Variants in L1TD1 observed in about 807,000 individuals in gnomAD.
L1TD1 encodes the protein LINE1 type transposase domain containing 1, also known as LINE-1 type transposase domain-containing protein 1.
A neutral mutation model predicts 25.7 loss-of-function variants in L1TD1; 26 were observed. That is an observed-to-expected ratio of 1.01 (90% CI 0.74 to 1.40). The LOEUF (loss-of-function observed/expected upper bound fraction) is 1.40. Ranked by LOEUF, L1TD1 falls within the 40% of genes most tolerant of loss-of-function variation. The probability of loss-of-function intolerance (pLI) is 0.00; values close to 1 mark genes in which losing one functional copy is unlikely to be tolerated. For synonymous variants in L1TD1, 421 were observed against 335.6 expected, an observed-to-expected ratio of 1.25 and a Z score of -2.78; for missense variants, 1,130 against 975.0, an observed-to-expected ratio of 1.16 and a Z score of -2.12.
At chr1:62,198,184 CT>C (rs916524256) in intron 2 of L1TD1, among the ~76,000 whole-genome samples, 2 of 152,132 alleles carry the variant, frequency 1.3e-5, no homozygotes, top group Non-Finnish European at 2.9e-5. Context: ...AAACCAGGCA[CT>C]TTATCTTGGT....
chr1:62,206,701 A>G lies in L1TD1; in HGVS notation c.73A>G (p.Met25Val), dbSNP rs1670751810. 2 of 1,550,436 alleles carry G rather than the reference A, an allele frequency of 1.3e-6. No homozygotes were observed. Among genetic ancestry groups the G allele is most frequent in the East Asian group, 2.4e-5 (1 of 40,836 alleles). ...AAAGAAAAAGGAAAATATCACCTAT[A>G]TGAAAAGAGAGCAGTTAACAGAAAC... ...LAKKKENITY[M>V]KREQLTETDK... is the part of the protein sequence containing the mutation. Residue 25 changes from methionine to valine, a missense_variant, in exon 3 of 4, where the codon ATG becomes GTG. Met to Val is a conservative substitution (Grantham distance 21). Coordinates refer to ENST00000498273, the MANE Select transcript of L1TD1 (RefSeq NM_019079.5).
Position 62,211,525 on chromosome 1 carries a change from G to T in L1TD1, c.*153G>T. On this transcript the variant is annotated 3_prime_UTR_variant, in exon 4 of 4. Transcript: ENST00000498273. ...CAAGGAATATTACAGATATTACCTA[G>T]ATGTTAATAAAGGGTATGTTTAAAA... 2 of 1,288,778 alleles carry T rather than the reference G, an allele frequency of 1.6e-6. No individual in the cohort carries two copies. Among genetic ancestry groups the T allele is most frequent in the South Asian group, 1.8e-5 (1 of 54,878 alleles). 79.8% of individuals were successfully genotyped at this position (1,288,778 alleles called of 1,614,324 possible).
rs2149102733 is a variant in L1TD1 at position 62,210,488 on chromosome 1, C to A, written c.1714C>A (p.His572Asn). The change falls in exon 4 of 4, where the codon CAT becomes AAT. Residue 572 changes from histidine (H) to asparagine (N), a missense_variant. Coordinates refer to ENST00000498273, the MANE Select transcript of L1TD1 (RefSeq NM_019079.5). ...GATGAGTCATGATGAGCATAAAAAG[C>A]ATTCACATACAAATTTGAGTATTTC... ...LEMSHDEHKK[H>N]SHTNLSISTG... 1 of 1,614,010 alleles carries A rather than the reference C, an allele frequency of 6.2e-7. No individual in the cohort carries two copies. The highest frequency in any genetic ancestry group is 2.2e-5 in the East Asian group (1 of 44,888).
Position 62,210,968 on chromosome 1 carries a change from C to A in L1TD1, c.2194C>A (p.Leu732Ile). 4 of 1,545,464 alleles carry A rather than the reference C, an allele frequency of 2.6e-6. No individual in the cohort carries two copies. Among genetic ancestry groups the A allele is most frequent in the Non-Finnish European group, 3.5e-6 (4 of 1,145,602 alleles). The change falls in exon 4 of 4, where the codon CTA becomes ATA. Residue 732 changes from leucine to isoleucine, a missense_variant. Physicochemically the swap from Leu to Ile is conservative, Grantham distance 5. Transcript: ENST00000498273. ...KEIIDENFAE[L>I]KKGSSLEIVS... ...AATAATTGATGAAAACTTTGCAGAA[C>A]TAAAGAAAGGTTCAAGTCTTGAGAT...
chr1:62,196,391 A>C (rs995883832), intron 1 of L1TD1, 44 bp from the exon 2 acceptor site: 1 of 152,212 alleles, frequency 6.6e-6, no homozygotes, highest in South Asian at 2.1e-4. Context: ...TCTACATTAA[A>C]TAAACCTTAA....
chr1:62,207,573 T>G lies in L1TD1; in HGVS notation c.945T>G (p.Asp315Glu), dbSNP rs1262526741. ...CTTCTGTGAAAGAATTACTGAAAGA[T>G]GTACTCCCACAAAAGGAAGAAATAA... ...QKSSVKELLK[D>E]VLPQKEEINQ... is the part of the protein sequence containing the mutation. The change falls in exon 3 of 4, where the codon GAT (aspartate) becomes GAG (glutamate). Residue 315 changes from aspartate to glutamate, a missense_variant. By Grantham distance (45) the Asp-to-Glu change is conservative. Transcript: ENST00000498273. 6.5e-7 allele frequency: 1 copy of G among 1,548,872 alleles called. No individual in the cohort carries two copies. Among genetic ancestry groups the G allele is most frequent in the Non-Finnish European group, 8.7e-7 (1 of 1,146,334 alleles).
Position 62,207,320 on chromosome 1 carries a change from G to C in L1TD1, c.692G>C (p.Arg231Thr). ...AAAGAGGAGGTTTTAAAAGCCTCCA[G>C]AGAAGAAAAAGTGTTGATGGATGAA... ...KNKEEVLKASREEKVLMDEGA... is the reference protein window; with the variant it reads ...KNKEEVLKASTEEKVLMDEGA... The change falls in exon 3 of 4, where the codon AGA becomes ACA. Residue 231 changes from arginine to threonine, a missense_variant. Physicochemically the swap from Arg to Thr is moderately conservative, Grantham distance 71 (BLOSUM62 -1). Transcript: ENST00000498273. 1 of 1,551,074 alleles carries C rather than the reference G, an allele frequency of 6.4e-7. No homozygotes were observed.
rs773379185 is a variant in L1TD1 at position 62,206,898 on chromosome 1, A to G, written c.270A>G (p.Val90=). 6.2e-7 allele frequency: 1 copy of G among 1,613,880 alleles called. No homozygotes were observed. The highest frequency in any genetic ancestry group is 1.7e-5 in the Admixed American group (1 of 59,976). The change falls in exon 3 of 4, where the codon GTA becomes GTG. Residue 90 remains valine, a synonymous_variant. Coordinates refer to ENST00000498273, the MANE Select transcript of L1TD1 (RefSeq NM_019079.5). ...VLGGKATIPE[V]KNSENSSSRT... ...GGGGAAAAGCTACAATACCTGAGGT[A>G]AAGAATTCAGAGAACTCCAGTAGTA...
In L1TD1 at chr1:62,210,904, G is replaced by A. The variant is rs2149102967; in HGVS notation, c.2130G>A (p.Lys710=). Residue 710 remains lysine (K), a synonymous_variant, in exon 4 of 4, where the codon AAG becomes AAA. Transcript: ENST00000498273. ...TTCGTTTGATAGGAATTCCAGAAAAGGAGAGTTATGAGAATAGGGCAGAGG... is the reference window on the plus strand; with the variant it reads ...TTCGTTTGATAGGAATTCCAGAAAAAGAGAGTTATGAGAATAGGGCAGAGG... ...CNIRLIGIPE[K]ESYENRAEDI... 9 of 1,551,392 alleles carry A rather than the reference G, an allele frequency of 5.8e-6. No individual in the cohort carries two copies. Among genetic ancestry groups the A allele is most frequent in the Non-Finnish European group, 7.0e-6 (8 of 1,146,932 alleles).
chr1:62,210,558 G>C lies in L1TD1; in HGVS notation c.1784G>C (p.Arg595Thr), dbSNP rs760973536. 3 of 1,612,896 alleles carry C rather than the reference G, an allele frequency of 1.9e-6. No homozygotes were observed. In the East Asian group the frequency reaches 6.7e-5, roughly 36 times the overall value. ...KLKKTEEKKH[R>T]TLHTEELTSK... ...AAGAAAACAGAAGAAAAGAAACACA[G>C]AACTCTGCACACAGAAGAACTAACA... The change falls in exon 4 of 4, where the codon AGA (arginine) becomes ACA (threonine). Residue 595 changes from arginine (R) to threonine (T), a missense_variant. Physicochemically the swap from Arg to Thr is moderately conservative, Grantham distance 71. Coordinates refer to ENST00000498273, the MANE Select transcript of L1TD1 (RefSeq NM_019079.5).
Position 62,199,999 on chromosome 1 carries a change from T to C in L1TD1, c.-111+3471T>C, listed in dbSNP as rs554509329. Among the ~76,000 whole-genome samples, 13 of 152,306 alleles carry C rather than the reference T, an allele frequency of 8.5e-5. No homozygotes were observed. In the East Asian group the frequency reaches 2.5e-3, roughly 29 times the overall value. On this transcript the variant is annotated intron_variant, in intron 2 of 3. Coordinates refer to ENST00000498273, the MANE Select transcript of L1TD1 (RefSeq NM_019079.5). The stretch of plus-strand genomic sequence containing the variant: ...GTTTACAAAATTGGATTGTACTCTA[T>C]ATTTTCTGCACCATTTTTTCCCTCT...
At chr1:62,207,681 T>C in intron 3 of L1TD1, 45 bp downstream of exon 3, 2 of 1,449,632 alleles carry the variant, frequency 1.4e-6, no homozygotes, top group Non-Finnish European at 1.8e-6. Flanking sequence ...TGTATAAATG[T>C]AATAGTAGGC....
At position 62,209,766 on chromosome 1, in the gene L1TD1, CTTT is replaced by C. The variant is rs764945800; in HGVS notation, c.1009-16_1009-14del. On this transcript the variant is annotated splice_polypyrimidine_tract_variant and intron_variant, in intron 3 of 3. Coordinates refer to ENST00000498273, the MANE Select transcript of L1TD1 (RefSeq NM_019079.5). ...TAAACAAATAACTCTTTTTTTTCTT[CTTT>C]GTTTAACTTTCAGGATAAAACCCTA... 3.0e-5 allele frequency: 43 copies of C among 1,434,222 alleles called. No homozygotes were observed. Among genetic ancestry groups the C allele is most frequent in the Non-Finnish European group, 2.5e-5 (27 of 1,067,588 alleles). 88.8% of individuals were successfully genotyped at this position (1,434,222 alleles called of 1,614,324 possible). A position where few individuals can be genotyped will look rare whatever the true frequency, so the allele number is the denominator to read the frequency against.
chr1:62,206,537 T>A lies in L1TD1; in HGVS notation c.-92T>A, dbSNP rs1489766491. ...ATTTCAGATTGACGTATTTTAAGAT[T>A]TTTTTAACTTCTGAAGTCTAGCAGG... On this transcript the variant is annotated 5_prime_UTR_variant, in exon 3 of 4. Transcript: ENST00000498273. The A allele has an allele frequency of 8.0e-7, 1 of 1,252,242 alleles. No individual in the cohort carries two copies. Among genetic ancestry groups the A allele is most frequent in the Admixed American group, 3.5e-5 (1 of 28,786 alleles). 77.6% of individuals were successfully genotyped at this position (1,252,242 alleles called of 1,614,324 possible).
chr1:62,207,085 A>G lies in L1TD1; in HGVS notation c.457A>G (p.Asn153Asp). 1.2e-6 allele frequency: 2 copies of G among 1,612,952 alleles called. No homozygotes were observed. The highest frequency in any genetic ancestry group is 1.7e-6 in the Non-Finnish European group (2 of 1,179,362). ...SGKLDNTNEY[N>D]SNDGKKLPQG... ...TAAATTAGACAACACTAACGAATAC[A>G]ATAGTAATGATGGTAAGAAATTACC... The change falls in exon 3 of 4, where the codon AAT becomes GAT. Residue 153 changes from asparagine (N) to aspartate (D), a missense_variant. Coordinates refer to ENST00000498273, the MANE Select transcript of L1TD1 (RefSeq NM_019079.5).
intron 2 of L1TD1, among the ~76,000 whole-genome samples, chr1:62,203,725 CCTG>C (rs1196271843): frequency 1.3e-5 from 2 of 151,992 alleles, no homozygotes; most frequent in Non-Finnish European, 2.9e-5. Context: ...ACTGCAGGTG[CCTG>C]CCACCACACC....
rs1290280061 is a variant in L1TD1 at position 62,211,450 on chromosome 1, A to C, written c.*78A>C. On this transcript the variant is annotated 3_prime_UTR_variant, in exon 4 of 4. Coordinates refer to ENST00000498273, the MANE Select transcript of L1TD1 (RefSeq NM_019079.5). ...AAATCAACAAGTAAAACGAAAATAC[A>C]CTTCTACCCAGAAGGATGGACAGCT... The C allele has an allele frequency of 6.6e-7, 1 of 1,513,254 alleles. No homozygotes were observed. The highest frequency in any genetic ancestry group is 1.4e-5 in the African/African-American group (1 of 71,744). The allele number at this position is 1,513,254 out of a possible 1,614,324, so 93.7% of individuals were successfully genotyped here. A position where few individuals can be genotyped will look rare whatever the true frequency, so the allele number is the denominator to read the frequency against.
chr1:62,198,011 A>G (rs1670575613), intron 2 of L1TD1, among the ~76,000 whole-genome samples: 1 of 152,196 alleles, frequency 6.6e-6, no homozygotes, highest in African/African-American at 2.4e-5. Flanking sequence ...AGGTGTGCAT[A>G]TATAACTGGA....
At chr1:62,203,209 A>T (rs1340258472) in intron 2 of L1TD1, among the ~76,000 whole-genome samples, 1 of 151,924 alleles carries the variant, frequency 6.6e-6, no homozygotes, top group African/African-American at 2.4e-5. Context: ...ACATCAGGGT[A>T]AATGGGGGTA....
Sources: allele counts gnomAD v4.1 joint callset (sites outside exome capture counted in the v4.1 genomes callset), GRCh38; gene constraint gnomAD v4.1.1; transcripts MANE v1.5; gene names NCBI Gene and HGNC (gene_info 2026-07-23, HGNC 2026-07-21).